Variants in CPEB1 observed in about 807,000 individuals in gnomAD.
CPEB1 encodes the protein cytoplasmic polyadenylation element-binding protein 1.
A neutral mutation model predicts 65.8 loss-of-function variants in CPEB1; 7 were observed. That is an observed-to-expected ratio of 0.11 (90% CI 0.06 to 0.20). The LOEUF (loss-of-function observed/expected upper bound fraction) is 0.20, where lower values mean the gene tolerates loss of function less well. CPEB1 is among the 10% of genes least tolerant of loss of function. CPEB1 has a pLI of 1.00. For synonymous variants in CPEB1, 262 were observed against 260.0 expected, an observed-to-expected ratio of 1.01 and a Z score of -0.08; for missense variants, 551 against 712.2, an observed-to-expected ratio of 0.77 and a Z score of 2.58.
chr15:82,628,366 G>A lies in CPEB1; in HGVS notation c.94C>T (p.Leu32=), dbSNP rs759516559. Residue 32 remains leucine (L), a splice_region_variant and synonymous_variant, in exon 2 of 13, where the codon CTG becomes TTG. Coordinates refer to ENST00000684509, the MANE Select transcript of CPEB1 (RefSeq NM_001365242.1). ...GAGAAATCCAAGAGTTAACATACCA[G>A]AGGAATTAGCAGAAGACAATCTGAT... ...SLSDCLLLIP[L]EEEAGRIKDC... The A allele has an allele frequency of 3.8e-5, 27 of 702,684 alleles. No homozygotes were observed. The highest frequency in any genetic ancestry group is 6.8e-5 in the Non-Finnish European group (26 of 384,886). 43.5% of individuals were successfully genotyped at this position (702,684 alleles called of 1,614,324 possible). A position where few individuals can be genotyped will look rare whatever the true frequency, so the allele number is the denominator to read the frequency against.
intron 3 of CPEB1, among the ~76,000 whole-genome samples, chr15:82,610,331 C>T (rs954305850): frequency 2.8e-4 from 42 of 152,036 alleles, no homozygotes; most frequent in South Asian, 4.1e-4. Flanking sequence ...AAAAAGCAGA[C>T]GAGGAGGGAA....
At chr15:82,600,964 G>C (rs754796488) in intron 3 of CPEB1, among the ~76,000 whole-genome samples, 2 of 145,620 alleles carry the variant, frequency 1.4e-5, no homozygotes, top group Non-Finnish European at 3.0e-5. Flanking sequence ...GAGTGCAGTG[G>C]CGCAACCTCC....
At chr15:82,580,192 G>A (rs1009210761) in intron 3 of CPEB1, among the ~76,000 whole-genome samples, 2 of 151,420 alleles carry the variant, frequency 1.3e-5, no homozygotes, top group East Asian at 1.9e-4. Context: ...ATGGTGCCAC[G>A]TGCCTGTAGT....
chr15:82,602,027 G>C (rs1024408716), intron 3 of CPEB1, among the ~76,000 whole-genome samples: 1 of 152,108 alleles, frequency 6.6e-6, no homozygotes, highest in Non-Finnish European at 1.5e-5. Context: ...GACATAAACA[G>C]AACACTGCAT....
upstream of CPEB1, chr15:82,648,036 A>C: frequency 4.3e-6 from 2 of 460,202 alleles, no homozygotes; most frequent in Non-Finnish European, 6.9e-6. Context: ...CCCCGGCCGG[A>C]TGCGGAGCAC....
At chr15:82,576,656 G>A (rs371725540) in intron 3 of CPEB1, among the ~76,000 whole-genome samples, 1 of 152,068 alleles carries the variant, frequency 6.6e-6, no homozygotes, top group African/African-American at 2.4e-5. Flanking sequence ...TTACTAAAAT[G>A]TTGAGAAAAA....
At chr15:82,610,741 T>C (rs1475149602) in intron 3 of CPEB1, among the ~76,000 whole-genome samples, 1 of 151,678 alleles carries the variant, frequency 6.6e-6, no homozygotes, top group Non-Finnish European at 1.5e-5. Context: ...GTGGATCACC[T>C]GAGGTCAGGA....
At chr15:82,601,434 A>T (rs2151194297) in intron 3 of CPEB1, among the ~76,000 whole-genome samples, 1 of 151,986 alleles carries the variant, frequency 6.6e-6, no homozygotes, top group East Asian at 2.0e-4. Context: ...CCAGCTACTC[A>T]GGAGTCTGAG....
At chr15:82,585,113 T>C (rs1480765702) in intron 3 of CPEB1, among the ~76,000 whole-genome samples, 1 of 151,988 alleles carries the variant, frequency 6.6e-6, no homozygotes, top group African/African-American at 2.4e-5. Flanking sequence ...ACATTAAAAA[T>C]AAGAGTGACT....
At chr15:82,647,006 G>A (rs2047619584) in intron 1 of CPEB1, 131 bp downstream of exon 1, 1 of 152,624 alleles carries the variant, frequency 6.6e-6, no homozygotes, top group East Asian at 1.9e-4. Context: ...CAGAACGCCA[G>A]GCCACATGCA....
intron 4 of CPEB1, among the ~76,000 whole-genome samples, chr15:82,568,876 A>G (rs2039575844): frequency 6.6e-6 from 1 of 152,186 alleles, no homozygotes; most frequent in South Asian, 2.1e-4. Flanking sequence ...TTTAGCCAAC[A>G]GCCCTACTAT....
At chr15:82,557,522 T>C (rs947685703) in intron 5 of CPEB1, 1 of 453,856 alleles carries the variant, frequency 2.2e-6, no homozygotes, top group East Asian at 3.4e-5. Flanking sequence ...GCTAGTAAAA[T>C]GAGAGTCCTG....
At position 82,565,695 on chromosome 15, in the gene CPEB1, T is replaced by C. The variant is rs898854018; in HGVS notation, c.460+5649A>G. ...GAGGGGGAGGGGTGGTGAGAAGTCC[T>C]AGAGTCAATCTCCAATAACGGCCAA... is the stretch of plus-strand genomic sequence containing the variant. On this transcript the variant is annotated intron_variant, in intron 4 of 12. Transcript: ENST00000684509. 3.3e-5 allele frequency among the ~76,000 whole-genome samples: 5 copies of C among 152,190 alleles called. No homozygotes were observed. In the East Asian group the frequency reaches 9.6e-4, roughly 29 times the overall value.
chr15:82,616,159 A>C (rs192022709), intron 3 of CPEB1, among the ~76,000 whole-genome samples: 1 of 152,156 alleles, frequency 6.6e-6, no homozygotes, highest in Admixed American at 6.5e-5. Context: ...AGGAGGCGGC[A>C]TGAGGGGTCT....
chr15:82,648,047 C>T (rs2047728126), upstream of CPEB1: 1 of 426,918 alleles, frequency 2.3e-6, no homozygotes, highest in Non-Finnish European at 3.9e-6. Flanking sequence ...TGCGGAGCAC[C>T]TGTGTCGGCC....
rs752486940 is a variant in CPEB1 at position 82,614,848 on chromosome 15, AGTGTGTGTGTGTGTGTGTGT to A, written c.271+12325_271+12344del. Among the ~76,000 whole-genome samples the A allele has an allele frequency of 1.1e-4, 16 of 144,002 alleles. No homozygotes were observed. The East Asian group carries it at 2.4e-3, about 22-fold the overall frequency. 94.5% of individuals were successfully genotyped at this position (144,002 alleles called of 152,430 possible). A position where few individuals can be genotyped will look rare whatever the true frequency, so the allele number is the denominator to read the frequency against. The stretch of plus-strand genomic sequence containing the variant: ...ACCTAGTTCAACTCTTTAAAATATA[AGTGTGTGTGTGTGTGTGTGT>A]GTGTGTGTGTGTATATATATATATG... On this transcript the variant is annotated intron_variant, in intron 3 of 12. Coordinates refer to ENST00000684509, the MANE Select transcript of CPEB1 (RefSeq NM_001365242.1).
chr15:82,642,469 C>T (rs776266485), intron 1 of CPEB1, among the ~76,000 whole-genome samples: 3 of 152,148 alleles, frequency 2.0e-5, no homozygotes, highest in African/African-American at 7.2e-5. Context: ...ATCCCTTAAG[C>T]CAGGGAGCTT....
At chr15:82,580,849 C>CTTTTTTTTTTTTTT (rs113794355) in intron 3 of CPEB1, among the ~76,000 whole-genome samples, 1 of 147,230 alleles carries the variant, frequency 6.8e-6, no homozygotes. Context: ...TCCCCAATTT[C>CTTTTTTTTTTTTTT]TTTTTTTTTT....
rs2045965172 is a variant in CPEB1, at chr15:82,628,540, T to C, written c.-81A>G. Reference sequence around the variant, plus strand: ...TTCTTTTACAATACAGACCCTTCTATTACACAGGCACTGAAACTAACGCAA... The same window carrying C: ...TTCTTTTACAATACAGACCCTTCTACTACACAGGCACTGAAACTAACGCAA... On this transcript the variant is annotated 5_prime_UTR_variant, in exon 2 of 13. Coordinates refer to ENST00000684509, the MANE Select transcript of CPEB1 (RefSeq NM_001365242.1). 3 of 673,662 alleles carry C rather than the reference T, an allele frequency of 4.5e-6. No homozygotes were observed. Among genetic ancestry groups the C allele is most frequent in the South Asian group, 3.3e-5 (2 of 61,138 alleles). The allele number at this position is 673,662 out of a possible 1,614,324, so 41.7% of individuals were successfully genotyped here. A position where few individuals can be genotyped will look rare whatever the true frequency, so the allele number is the denominator to read the frequency against.
Sources: gnomAD v4.1 joint callset for allele counts (sites outside exome capture counted in the v4.1 genomes callset) on GRCh38, gnomAD v4.1.1 for gene constraint, MANE v1.5 for transcripts, NCBI Gene and HGNC (gene_info 2026-07-23, HGNC 2026-07-21) for gene names.